Variants in RAP1GAP2 observed in about 807,000 individuals in gnomAD.
The protein encoded by RAP1GAP2 is rap1 GTPase-activating protein 2.
A neutral mutation model predicts 95.0 loss-of-function variants in RAP1GAP2; 27 were observed. The observed-to-expected ratio is 0.28, with a 90% confidence interval of 0.21 to 0.39. The LOEUF (loss-of-function observed/expected upper bound fraction) is 0.39. RAP1GAP2 is among the 10% of genes least tolerant of loss of function. The pLI, the probability that RAP1GAP2 is intolerant of heterozygous loss-of-function variation, is 1.00. For synonymous variants in RAP1GAP2, 373 were observed against 380.9 expected (o/e 0.98, Z 0.24); for missense variants, 771 against 970.0 (o/e 0.79, Z 2.72).
intron 11 of RAP1GAP2, among the ~76,000 whole-genome samples, chr17:2,989,331 C>T (rs1291950256): frequency 6.6e-6 from 1 of 151,998 alleles, no homozygotes; most frequent in South Asian, 2.1e-4. Context: ...AGGGGAAATG[C>T]CTGTTCATGT....
chr17:2,969,496 C>CTTTTTTTTTTTTTTTTTTTTTT (rs34468461), intron 8 of RAP1GAP2, among the ~76,000 whole-genome samples: 5 of 83,782 alleles, frequency 6.0e-5, no homozygotes, highest in African/African-American at 2.3e-4. Context: ...TATATATATT[C>CTTTTTTTTTTTTTTTTTTTTTT]TTTTTTTTTT....
At chr17:2,947,098 A>C (rs2043725370) in intron 3 of RAP1GAP2, among the ~76,000 whole-genome samples, 1 of 152,204 alleles carries the variant, frequency 6.6e-6, no homozygotes, top group Admixed American at 6.5e-5. Context: ...CTGTGGCATT[A>C]GCACTGCCAC....
At position 3,029,657 on chromosome 17, in the gene RAP1GAP2, C is replaced by T. The variant is rs1362615143; in HGVS notation, c.2108-1265C>T. 6.6e-6 allele frequency among the ~76,000 whole-genome samples: 1 copy of T among 152,076 alleles called. No individual in the cohort carries two copies. The highest frequency in any genetic ancestry group is 1.5e-5 in the Non-Finnish European group (1 of 68,002). On this transcript the variant is annotated intron_variant, in intron 22 of 24. Coordinates refer to ENST00000254695, the MANE Select transcript of RAP1GAP2 (RefSeq NM_015085.5). The surrounding 1 kb of genome is among the most constrained non-coding windows in gnomAD (Gnocchi z 4.4). ...TAGCCCTGGGTGGAACTCCTCGATT[C>T]GAAGCACCACGAACCAGCCAGCAGC... is the stretch of plus-strand genomic sequence containing the variant.
intron 2 of RAP1GAP2, among the ~76,000 whole-genome samples, chr17:2,818,932 T>G (rs2070159795): frequency 6.6e-6 from 1 of 152,182 alleles, no homozygotes; most frequent in South Asian, 2.1e-4. Context: ...TGTCTAGTGC[T>G]TAGAACAGAG....
chr17:2,843,666 G>A (rs1184015281), intron 2 of RAP1GAP2, among the ~76,000 whole-genome samples: 1 of 152,080 alleles, frequency 6.6e-6, no homozygotes, highest in African/African-American at 2.4e-5. Context: ...AGGGTGGGGC[G>A]GGGTGGGGCT....
At chr17:2,958,765 G>C (rs2151475887) in intron 4 of RAP1GAP2, among the ~76,000 whole-genome samples, 1 of 152,168 alleles carries the variant, frequency 6.6e-6, no homozygotes, top group East Asian at 1.9e-4. Context: ...ATAATGGTCT[G>C]GAAGTCCTAG....
intron 8 of RAP1GAP2, among the ~76,000 whole-genome samples, chr17:2,970,782 A>G (rs182030436): frequency 2.1e-4 from 32 of 152,206 alleles, no homozygotes; most frequent in African/African-American, 6.7e-4. Flanking sequence ...GCTCATGCCT[A>G]TAATCCTAGC....
intron 1 of RAP1GAP2, among the ~76,000 whole-genome samples, chr17:2,779,849 A>G (rs1459790410): frequency 6.6e-6 from 1 of 151,932 alleles, no homozygotes; most frequent in Non-Finnish European, 1.5e-5. Flanking sequence ...GTGGCCAAGA[A>G]GCATGGAAGA....
In RAP1GAP2 at chr17:2,906,463, C is replaced by T. The variant is rs762632498; in HGVS notation, c.165+1095C>T. On this transcript the variant is annotated intron_variant, in intron 3 of 24. Transcript: ENST00000254695. This position sits in a 1 kb window ranked among gnomAD's most constrained non-coding sequence, Gnocchi z 4.3. ...TGCCCTGGGTGGGTTAAGTGGTCAGCGGTGGGCGGGGGGGCAGGACAGGGT... is the reference window on the plus strand; with the variant it reads ...TGCCCTGGGTGGGTTAAGTGGTCAGTGGTGGGCGGGGGGGCAGGACAGGGT... Among the ~76,000 whole-genome samples, 22 of 142,532 alleles carry T rather than the reference C, an allele frequency of 1.5e-4. No individual in the cohort carries two copies. The highest frequency in any genetic ancestry group is 3.5e-3 in the Middle Eastern group (1 of 288). The allele number at this position is 142,532 out of a possible 152,430, so 93.5% of individuals were successfully genotyped here. A position where few individuals can be genotyped will look rare whatever the true frequency, so the allele number is the denominator to read the frequency against.
chr17:2,849,116 C>T (rs111969581), intron 2 of RAP1GAP2, among the ~76,000 whole-genome samples: 4 of 152,338 alleles, frequency 2.6e-5, no homozygotes, highest in African/African-American at 7.2e-5. Flanking sequence ...GGTGCTGGAC[C>T]GTCCTGTCCA....
intron 2 of RAP1GAP2, among the ~76,000 whole-genome samples, chr17:2,829,669 A>G (rs1378880791): frequency 6.6e-6 from 1 of 152,134 alleles, no homozygotes; most frequent in Admixed American, 6.6e-5. Context: ...GTGCTCTGTG[A>G]ATTATTTCTC....
chr17:2,889,654 CAGG>C (rs2073619770), intron 2 of RAP1GAP2, among the ~76,000 whole-genome samples: 1 of 147,890 alleles, frequency 6.8e-6, no homozygotes, highest in African/African-American at 2.5e-5. Flanking sequence ...TGGGAGGAGG[CAGG>C]AGGTTTGATC....
At chr17:2,839,862 G>C (rs2071294578) in intron 2 of RAP1GAP2, among the ~76,000 whole-genome samples, 1 of 152,108 alleles carries the variant, frequency 6.6e-6, no homozygotes, top group Admixed American at 6.6e-5. Flanking sequence ...TGCAATGCGT[G>C]ATCTCGGCTC....
In RAP1GAP2 at chr17:2,867,419, C is replaced by T. The variant is rs2072659325; in HGVS notation, c.81-37865C>T. The stretch of plus-strand genomic sequence containing the variant: ...TAGGCTGTGCCTTCCTTTGGGTTGC[C>T]TTCGTCCTCAGGTACCTTATCCACG... On this transcript the variant is annotated intron_variant, in intron 2 of 24. Coordinates refer to ENST00000254695, the MANE Select transcript of RAP1GAP2 (RefSeq NM_015085.5). This position sits in a 1 kb window ranked among gnomAD's most constrained non-coding sequence, Gnocchi z 4.5. Among the ~76,000 whole-genome samples, 1 of 152,168 alleles carries T rather than the reference C, an allele frequency of 6.6e-6. No homozygotes were observed. The highest frequency in any genetic ancestry group is 2.4e-5 in the African/African-American group (1 of 41,444).
In RAP1GAP2 at chr17:3,034,690, A is replaced by T. The variant is rs2047423797; in HGVS notation, c.*1329A>T. 1 of 152,656 alleles carries T rather than the reference A, an allele frequency of 6.6e-6. No individual in the cohort carries two copies. The highest frequency in any genetic ancestry group is 1.9e-4 in the East Asian group (1 of 5,192). The allele number at this position is 152,656 out of a possible 1,614,324, so 9.5% of individuals were successfully genotyped here. ...GACCCACATGCCACCCCCACCCTCC[A>T]CAGAGCCCCCTTGCTGGGACAGCCA... is the stretch of plus-strand genomic sequence containing the variant. On this transcript the variant is annotated 3_prime_UTR_variant, in exon 25 of 25. Coordinates refer to ENST00000254695, the MANE Select transcript of RAP1GAP2 (RefSeq NM_015085.5). This position sits in a 1 kb window ranked among gnomAD's most constrained non-coding sequence, Gnocchi z 5.1.
chr17:2,945,576 T>A (rs1189956052), intron 3 of RAP1GAP2, among the ~76,000 whole-genome samples: 1 of 152,064 alleles, frequency 6.6e-6, no homozygotes, highest in South Asian at 2.1e-4. Context: ...AAGCTTTTAG[T>A]TTTTCATCAC....
intron 2 of RAP1GAP2, among the ~76,000 whole-genome samples, chr17:2,822,789 T>C (rs1035120073): frequency 6.6e-6 from 1 of 151,898 alleles, no homozygotes; most frequent in Admixed American, 6.6e-5. Context: ...ATGTGCCATG[T>C]TGGTGTGCTG....
At chr17:3,017,586 C>A (rs1421476204) in intron 17 of RAP1GAP2, among the ~76,000 whole-genome samples, 1 of 152,214 alleles carries the variant, frequency 6.6e-6, no homozygotes, top group African/African-American at 2.4e-5. Context: ...AAAGAGTCAA[C>A]TTGTGGTCAG....
chr17:3,004,186 A>G lies in RAP1GAP2; in HGVS notation c.1201-1183A>G, dbSNP rs79731228. Among the ~76,000 whole-genome samples, 14,586 of 152,252 alleles carry G rather than the reference A, an allele frequency of 0.096. 891 individuals carry two copies. The highest frequency in any genetic ancestry group is 0.29 in the East Asian group (1,508 of 5,166). On this transcript the variant is annotated intron_variant, in intron 14 of 24. Transcript: ENST00000254695. The surrounding 1 kb of genome is among the most constrained non-coding windows in gnomAD (Gnocchi z 4.1). ...TGGGTGGTGGTAGGGAACCGGGTTC[A>G]GCTGCTGGAGCCCAGCCAGAAATCA...
Sources: gnomAD v4.1 joint callset for allele counts (sites outside exome capture counted in the v4.1 genomes callset) on GRCh38, gnomAD v4.1.1 for gene constraint, Gnocchi (gnomAD v3.1) non-coding constraint, MANE v1.5 for transcripts, NCBI Gene and HGNC (gene_info 2026-07-23, HGNC 2026-07-21) for gene names.